The following DCC variants were observed in gnomAD, a reference collection of about 807,000 sequenced individuals.
DCC encodes the protein netrin receptor DCC.
A neutral mutation model predicts 172.5 loss-of-function variants in DCC; 58 were observed. That is an observed-to-expected ratio of 0.34 (90% CI 0.27 to 0.42). DCC has a LOEUF of 0.42. DCC is among the 10% of genes least tolerant of loss of function. The pLI is 1.00. For synonymous variants in DCC, 709 were observed against 644.5 expected, an observed-to-expected ratio of 1.10 and a Z score of -1.52; for missense variants, 1,740 against 1,791.0, an observed-to-expected ratio of 0.97 and a Z score of 0.51.
intron 7 of DCC, among the ~76,000 whole-genome samples, chr18:53,070,646 A>T (rs2042639745): frequency 6.6e-6 from 1 of 152,124 alleles, no homozygotes; most frequent in African/African-American, 2.4e-5. Flanking sequence ...AAATCTTGAA[A>T]ATTCATTTAT....
intron 7 of DCC, among the ~76,000 whole-genome samples, chr18:53,093,336 A>T (rs1189991266): frequency 1.3e-5 from 2 of 152,212 alleles, no homozygotes; most frequent in Non-Finnish European, 2.9e-5. Context: ...CTTAATATTG[A>T]TGATAAAAAT....
chr18:52,532,377 A>G (rs1432894330), intron 1 of DCC, among the ~76,000 whole-genome samples: 3 of 152,186 alleles, frequency 2.0e-5, no homozygotes, highest in African/African-American at 7.2e-5. Context: ...CACATTTAAA[A>G]TTTTACCAAA....
At chr18:52,622,013 C>T (rs753093780) in intron 1 of DCC, among the ~76,000 whole-genome samples, 4 of 152,098 alleles carry the variant, frequency 2.6e-5, no homozygotes, top group Admixed American at 6.6e-5. Flanking sequence ...AATTTATTTG[C>T]ATTCCGTGAA....
intron 2 of DCC, among the ~76,000 whole-genome samples, chr18:52,815,395 C>T (rs1444999047): frequency 1.5e-5 from 2 of 132,320 alleles, no homozygotes; most frequent in Non-Finnish European, 3.2e-5. Flanking sequence ...CTCACTTGCG[C>T]TTGCCTTCTC....
At chr18:52,871,594 A>G (rs2039319360) in intron 2 of DCC, among the ~76,000 whole-genome samples, 1 of 152,144 alleles carries the variant, frequency 6.6e-6, no homozygotes, top group African/African-American at 2.4e-5. Flanking sequence ...AGCTGGGACT[A>G]CAGGTGCACA....
chr18:53,069,773 G>A (rs549306492), intron 7 of DCC, among the ~76,000 whole-genome samples: 15 of 152,252 alleles, frequency 9.9e-5, no homozygotes, highest in African/African-American at 2.9e-4. Flanking sequence ...GAAGCGACCT[G>A]AGAGACTGAA....
At chr18:53,504,944 C>T (rs1378061354) in intron 27 of DCC, among the ~76,000 whole-genome samples, 1 of 151,912 alleles carries the variant, frequency 6.6e-6, no homozygotes, top group African/African-American at 2.4e-5. Context: ...TTTTAACTAA[C>T]TTTGAAGATA....
In DCC at chr18:52,700,638, AG is replaced by A. The variant is rs553404156; in HGVS notation, c.92-51415del. ...TATTTTGTCCCTGAGCAAGAATATA[AG>A]CTTGCTTCTTTCAATTGCCACTTGT... On this transcript the variant is annotated intron_variant, in intron 1 of 28. Transcript: ENST00000442544. 3.2e-4 allele frequency among the ~76,000 whole-genome samples: 48 copies of A among 152,360 alleles called. 2 individuals carry two copies. The South Asian group carries it at 9.5e-3, about 30-fold the overall frequency.
At chr18:52,538,945 C>T (rs931279416) in intron 1 of DCC, among the ~76,000 whole-genome samples, 1 of 152,030 alleles carries the variant, frequency 6.6e-6, no homozygotes. Context: ...GACATGGCCT[C>T]GGTACTGAGG....
At chr18:52,543,264 A>C (rs930903235) in intron 1 of DCC, among the ~76,000 whole-genome samples, 1 of 152,250 alleles carries the variant, frequency 6.6e-6, no homozygotes, top group African/African-American at 2.4e-5. Context: ...TATTCAACCC[A>C]ATATATTTAA....
chr18:52,614,113 C>G (rs1169903481), intron 1 of DCC, among the ~76,000 whole-genome samples: 3 of 152,092 alleles, frequency 2.0e-5, no homozygotes, highest in Non-Finnish European at 4.4e-5. Flanking sequence ...ACTGGAAGTT[C>G]TAGTAACACT....
intron 5 of DCC, among the ~76,000 whole-genome samples, chr18:53,019,475 A>G (rs764855249): frequency 6.6e-6 from 1 of 152,110 alleles, no homozygotes; most frequent in Non-Finnish European, 1.5e-5. Flanking sequence ...CATATCCCCA[A>G]TCCAGGCAAA....
Position 53,157,432 on chromosome 18 carries a change from T to C in DCC, c.1338T>C (p.Arg446=). 6.2e-7 allele frequency: 1 copy of C among 1,614,122 alleles called. No homozygotes were observed. The highest frequency in any genetic ancestry group is 8.5e-7 in the Non-Finnish European group (1 of 1,180,002). ...VPVLVSSRFV[R]LSWRPPAEAK... ...TCTTGGTTTCCAGCCGATTTGTCCG[T>C]CTCAGCTGGCGCCCACCTGCAGAAG... Residue 446 remains arginine, a synonymous_variant, in exon 8 of 29, where the codon CGT becomes CGC. Transcript: ENST00000442544.
At chr18:52,442,373 G>A (rs370525857) in intron 1 of DCC, among the ~76,000 whole-genome samples, 1 of 152,270 alleles carries the variant, frequency 6.6e-6, no homozygotes, top group East Asian at 1.9e-4. Flanking sequence ...GAAGACCAAT[G>A]AAGATGATAA....
chr18:52,643,351 T>C (rs2034949272), intron 1 of DCC, among the ~76,000 whole-genome samples: 1 of 152,130 alleles, frequency 6.6e-6, no homozygotes, highest in Non-Finnish European at 1.5e-5. Context: ...AGTCAGAAAA[T>C]ACCATGCTTA....
intron 1 of DCC, among the ~76,000 whole-genome samples, chr18:52,511,334 G>T (rs1310505618): frequency 6.6e-6 from 1 of 151,718 alleles, no homozygotes; most frequent in East Asian, 1.9e-4. Flanking sequence ...TTAGAGCCTG[G>T]TTTGATAAGG....
chr18:52,856,010 C>T (rs2039047083), intron 2 of DCC, among the ~76,000 whole-genome samples: 1 of 151,908 alleles, frequency 6.6e-6, no homozygotes, highest in Non-Finnish European at 1.5e-5. Flanking sequence ...GGTGATCCAC[C>T]TGCCTCGGCC....
At chr18:53,273,448 A>G (rs1245854930) in intron 12 of DCC, among the ~76,000 whole-genome samples, 1 of 152,172 alleles carries the variant, frequency 6.6e-6, no homozygotes, top group East Asian at 1.9e-4. Flanking sequence ...AGGATTCACA[A>G]ATTATGAAAT....
chr18:53,323,542 A>T (rs890741853), intron 14 of DCC, among the ~76,000 whole-genome samples: 1 of 152,196 alleles, frequency 6.6e-6, no homozygotes, highest in African/African-American at 2.4e-5. Context: ...GCAAAGAAAG[A>T]CAGACATTTT....
Sources: allele counts gnomAD v4.1 joint callset (sites outside exome capture counted in the v4.1 genomes callset), GRCh38; gene constraint gnomAD v4.1.1; transcripts MANE v1.5; gene names NCBI Gene and HGNC (gene_info 2026-07-23, HGNC 2026-07-21).